Variants in CIC observed in about 807,000 individuals in gnomAD.
The protein encoded by CIC is protein capicua homolog.
Under a neutral mutation model 115.7 loss-of-function variants are expected in CIC, and 18 were observed. The observed-to-expected ratio is 0.16, with a 90% CI of 0.11 to 0.23. The LOEUF is 0.23. Ranked by LOEUF, CIC falls within the 10% of genes least tolerant of loss-of-function variation. The probability of loss-of-function intolerance (pLI) is 1.00; values close to 1 mark genes in which losing one functional copy is unlikely to be tolerated. For synonymous variants in CIC, 1,076 were observed against 923.0 expected, an observed-to-expected ratio of 1.17 and a Z score of -3.01; for missense variants, 2,000 against 2,159.3, an observed-to-expected ratio of 0.93 and a Z score of 1.46.
At chr19:42,283,583 G>A (rs1041572719) in intron 2 of CIC, among the ~76,000 whole-genome samples, 5 of 152,104 alleles carry the variant, frequency 3.3e-5, no homozygotes, top group African/African-American at 9.7e-5. Flanking sequence ...GAGTAGGTGA[G>A]GGCTCAGGAT....
In CIC at chr19:42,287,191, C is replaced by A. The variant is rs944283778; in HGVS notation, c.3130C>A (p.Pro1044Thr). The change falls in exon 4 of 21, where the codon CCA (proline) becomes ACA (threonine). Residue 1044 changes from proline (P) to threonine (T), a missense_variant. Physicochemically the swap from Pro to Thr is conservative, Grantham distance 38 (BLOSUM62 -1). Coordinates refer to ENST00000681038, the MANE Select transcript of CIC (RefSeq NM_001386298.1). This position sits in a 1 kb window ranked among gnomAD's most constrained non-coding sequence, Gnocchi z 8.7. ...CACGGAGGAGGAGGCCTCCGGCCCC[C>A]CAGGAGAGCCCCGGCTGGACAGTGA... ...PTTEEEASGPPGEPRLDSETE... is the reference protein window; with the variant it reads ...PTTEEEASGPTGEPRLDSETE... 6.2e-7 allele frequency: 1 copy of A among 1,613,556 alleles called. No homozygotes were observed.
chr19:42,277,197 T>G (rs192960598), intron 2 of CIC, among the ~76,000 whole-genome samples: 52 of 152,356 alleles, frequency 3.4e-4, no homozygotes, highest in Non-Finnish European at 2.1e-4. Flanking sequence ...CCTGAAAGGC[T>G]AAGTGACTTG....
Position 42,293,402 on chromosome 19 carries a change from C to T in CIC, c.6522+121C>T, listed in dbSNP as rs2038293654. ...GTGTGTCTCTCAGGTTAAAGGGTCC[C>T]CTCTGTCCCTTCTGCCTGCCTGTGT... is the stretch of plus-strand genomic sequence containing the variant. On this transcript the variant is annotated intron_variant, in intron 16 of 20. Transcript: ENST00000681038. 2.2e-6 allele frequency: 3 copies of T among 1,347,144 alleles called. No homozygotes were observed. The South Asian group carries it at 3.8e-5, about 17-fold the overall frequency. 83.4% of individuals were successfully genotyped at this position (1,347,144 alleles called of 1,614,324 possible).
At chr19:42,286,225 C>G (rs1317473434) in intron 2 of CIC, among the ~76,000 whole-genome samples, 2 of 152,170 alleles carry the variant, frequency 1.3e-5, no homozygotes, top group Non-Finnish European at 2.9e-5. Context: ...GGACCTCTCC[C>G]ACACCACAGT....
At position 42,292,598 on chromosome 19, in the gene CIC, G is replaced by C; in HGVS notation, c.5935G>C (p.Val1979Leu). ...GQAPLLAPGQVGVSPVPSPQL... is the reference protein window; with the variant it reads ...GQAPLLAPGQLGVSPVPSPQL... ...AGCCCCACTGCTGGCTCCCGGTCAGGTGGGCGTGTCACCTGTGCCCAGTCC... is the reference window on the plus strand; with the variant it reads ...AGCCCCACTGCTGGCTCCCGGTCAGCTGGGCGTGTCACCTGTGCCCAGTCC... Residue 1979 changes from valine to leucine, a missense_variant, in exon 15 of 21, where the codon GTG becomes CTG. Val to Leu is a conservative substitution (Grantham distance 32). Coordinates refer to ENST00000681038, the MANE Select transcript of CIC (RefSeq NM_001386298.1). 2.5e-6 allele frequency: 4 copies of C among 1,613,402 alleles called. No individual in the cohort carries two copies. Among genetic ancestry groups the C allele is most frequent in the Non-Finnish European group, 3.4e-6 (4 of 1,179,942 alleles).
In CIC at chr19:42,273,952, G is replaced by A; in HGVS notation, c.2169G>A (p.Gly723=). 2.5e-6 allele frequency: 1 copy of A among 398,754 alleles called. No individual in the cohort carries two copies. Among genetic ancestry groups the A allele is most frequent in the Non-Finnish European group, 4.4e-6 (1 of 226,208 alleles). 24.7% of individuals were successfully genotyped at this position (398,754 alleles called of 1,614,324 possible). A position where few individuals can be genotyped will look rare whatever the true frequency, so the allele number is the denominator to read the frequency against. ...AGACAGAGCTGTTGCCGCATCCAGG[G>A]GCCTTGGGGGCCCCTGGCGCAGGGG... ...RRKTELLPHP[G]ALGAPGAGGG... Residue 723 remains glycine (G), a synonymous_variant, in exon 2 of 21, where the codon GGG becomes GGA. Transcript: ENST00000681038.
intron 2 of CIC, 112 bp downstream of exon 2, chr19:42,274,689 C>A (rs755426283): frequency 1.0e-5 from 4 of 397,922 alleles, no homozygotes; most frequent in Non-Finnish European, 1.3e-5. Flanking sequence ...AAGGGGAGGC[C>A]GGCCTCCTCT....
Position 42,292,117 on chromosome 19 carries a change from C to T in CIC, c.5645C>T (p.Thr1882Ile). The change falls in exon 13 of 21, where the codon ACA (threonine) becomes ATA (isoleucine). Residue 1882 changes from threonine to isoleucine, a missense_variant. This residue lies in a region of CIC where 1,466 missense variants were observed against 1,390.4 expected (regional missense o/e 1.05). Coordinates refer to ENST00000681038, the MANE Select transcript of CIC (RefSeq NM_001386298.1). ...CAGCTGACCCCGGTGCCTGTGAGCACACCCAGCGGCCTGGTGCCGCCCCTG... is the reference window on the plus strand; with the variant it reads ...CAGCTGACCCCGGTGCCTGTGAGCATACCCAGCGGCCTGGTGCCGCCCCTG... Reference protein sequence around the residue: ...IIQLTPVPVSTPSGLVPPLSP... With the variant: ...IIQLTPVPVSIPSGLVPPLSP... The T allele has an allele frequency of 6.2e-7, 1 of 1,614,002 alleles. No individual in the cohort carries two copies. Among genetic ancestry groups the T allele is most frequent in the Non-Finnish European group, 8.5e-7 (1 of 1,180,022 alleles).
At chr19:42,286,538 C>T (rs2037654747) in intron 2 of CIC, among the ~76,000 whole-genome samples, 1 of 151,522 alleles carries the variant, frequency 6.6e-6, no homozygotes, top group Non-Finnish European at 1.5e-5. Context: ...AGGAGTGGGG[C>T]GTGAGTACTA....
chr19:42,268,681 G>C (rs1381575406), upstream of CIC: 2 of 152,260 alleles, frequency 1.3e-5, no homozygotes, highest in African/African-American at 4.8e-5. Context: ...CTCCTCGCCG[G>C]GTTTCTTTGG....
intron 2 of CIC, among the ~76,000 whole-genome samples, chr19:42,283,684 G>C (rs1216315759): frequency 6.6e-6 from 1 of 151,994 alleles, no homozygotes; most frequent in Non-Finnish European, 1.5e-5. Flanking sequence ...CCGCGCGTGA[G>C]CGTGTTCCTC....
chr19:42,280,462 T>G lies in CIC; in HGVS notation c.2794+5885T>G, dbSNP rs1208746285. Among the ~76,000 whole-genome samples, 1 of 152,090 alleles carries G rather than the reference T, an allele frequency of 6.6e-6. No homozygotes were observed. The highest frequency in any genetic ancestry group is 2.4e-5 in the African/African-American group (1 of 41,422). ...CGCGCGCCCCTGGGTGCAGACCTCC[T>G]GTGTCGGGCCTCCGTCCTTCTCATT... On this transcript the variant is annotated intron_variant, in intron 2 of 20. Transcript: ENST00000681038. The surrounding 1 kb of genome is among the most constrained non-coding windows in gnomAD (Gnocchi z 4.9).
At chr19:42,281,217 C>A (rs536000257) in intron 2 of CIC, among the ~76,000 whole-genome samples, 1 of 152,246 alleles carries the variant, frequency 6.6e-6, no homozygotes, top group South Asian at 2.1e-4. Flanking sequence ...GGGACCCGGG[C>A]CTGGAGAGCA....
rs549556810 is a variant in CIC, at chr19:42,284,616, CGGCGACG to C, written c.2795-2153_2795-2147del. The stretch of plus-strand genomic sequence containing the variant: ...GCCTCCCGCTCCCCCCGGGCCCAAG[CGGCGACG>C]GCCGAGGAGCGGGCTGCGGGCGGAG... On this transcript the variant is annotated intron_variant, in intron 2 of 20. Coordinates refer to ENST00000681038, the MANE Select transcript of CIC (RefSeq NM_001386298.1). 5.1e-3 allele frequency: 4,503 copies of C among 888,150 alleles called. 132 individuals are homozygous for C. In the African/African-American group the frequency reaches 0.069, roughly 14 times the overall value. 55.0% of individuals were successfully genotyped at this position (888,150 alleles called of 1,614,324 possible).
At position 42,288,110 on chromosome 19, in the gene CIC, A is replaced by G. The variant is rs1423738628; in HGVS notation, c.3658+135A>G. 5 of 977,682 alleles carry G rather than the reference A, an allele frequency of 5.1e-6. No homozygotes were observed. In the African/African-American group the frequency reaches 8.1e-5, roughly 16 times the overall value. The allele number at this position is 977,682 out of a possible 1,614,324, so 60.6% of individuals were successfully genotyped here. On this transcript the variant is annotated intron_variant, in intron 7 of 20. Coordinates refer to ENST00000681038, the MANE Select transcript of CIC (RefSeq NM_001386298.1). ...CTTTAATTTGGCGACCCTTATCCGT[A>G]AAGGAACCGGCAGTTGATTCATGTG...
At chr19:42,284,590 G>A (rs2037476648) in intron 2 of CIC, 2 of 420,676 alleles carry the variant, frequency 4.8e-6, no homozygotes, top group African/African-American at 2.1e-5. Flanking sequence ...ATGCGGCGAC[G>A]GCCTCCCGCT....
chr19:42,284,760 T>G, intron 2 of CIC: 1 of 1,555,774 alleles, frequency 6.4e-7, no homozygotes, highest in Non-Finnish European at 8.7e-7. Flanking sequence ...TCCCGTGGCC[T>G]CGGCATGTTC....
intron 2 of CIC, chr19:42,284,692 C>T (rs563589724): frequency 1.3e-6 from 2 of 1,542,870 alleles, no homozygotes; most frequent in East Asian, 2.4e-5. Flanking sequence ...CCGGGTCCCC[C>T]CTGCGCCGGA....
rs2147186713 is a variant in CIC, at chr19:42,287,279, C to G, written c.3179+39C>G. 6.2e-7 allele frequency: 1 copy of G among 1,614,016 alleles called. No homozygotes were observed. The highest frequency in any genetic ancestry group is 8.5e-7 in the Non-Finnish European group (1 of 1,180,002). ...GGCCTGGGACTTGGGGGTGGGATGG[C>G]CAGAGACATGGCCCTCACTGTCCCT... On this transcript the variant is annotated intron_variant, in intron 4 of 20. Coordinates refer to ENST00000681038, the MANE Select transcript of CIC (RefSeq NM_001386298.1). This position sits in a 1 kb window ranked among gnomAD's most constrained non-coding sequence, Gnocchi z 8.7.
Sources: allele counts gnomAD v4.1 joint callset (sites outside exome capture counted in the v4.1 genomes callset), GRCh38; gene constraint gnomAD v4.1.1; regional missense constraint gnomAD v4.1.1; non-coding constraint Gnocchi (gnomAD v3.1); transcripts MANE v1.5; gene names NCBI Gene and HGNC (gene_info 2026-07-23, HGNC 2026-07-21).